The following PDE2A variants were observed in gnomAD, a reference collection of about 807,000 sequenced individuals.
PDE2A encodes phosphodiesterase 2A, also known as cGMP-dependent 3',5'-cyclic phosphodiesterase.
In PDE2A, 53 loss-of-function variants were observed where a neutral mutation model predicts 133.6. The ratio of observed to expected loss-of-function variants is 0.40; its 90% confidence interval spans 0.32 to 0.50. The LOEUF is 0.50. Among genes scored for constraint, PDE2A ranks in the 20% least tolerant of loss-of-function variants. The pLI is 0.73. For missense variants in PDE2A, 796 were observed against 1,232.4 expected (o/e 0.65, Z 5.30); for synonymous variants, 491 against 490.2 (o/e 1.00, Z -0.02).
chr11:72,631,023 A>G, intron 2 of PDE2A: 2 of 1,385,616 alleles, frequency 1.4e-6, no homozygotes, highest in Non-Finnish European at 2.0e-6. Flanking sequence ...ACTGATCTTC[A>G]GTCTGCGCCC....
chr11:72,641,161 C>A (rs565445379), intron 2 of PDE2A, among the ~76,000 whole-genome samples: 4 of 152,236 alleles, frequency 2.6e-5, no homozygotes, highest in Non-Finnish European at 5.9e-5. Flanking sequence ...GCCCTAGCCG[C>A]CCCCGTCAAG....
chr11:72,589,682 T>TCCAAACACTCCTTGAGG, intron 11 of PDE2A, 69 bp downstream of exon 11: 1 of 1,329,340 alleles, frequency 7.5e-7, no homozygotes. Context: ...TCCAGGCAGA[T>TCCAAACACTCCTTGAGG]CCCAGGAGTG....
chr11:72,583,519 G>C lies in PDE2A; in HGVS notation c.1651-4C>G, dbSNP rs750701698. 3 of 1,596,730 alleles carry C rather than the reference G, an allele frequency of 1.9e-6. No homozygotes were observed. The highest frequency in any genetic ancestry group is 2.7e-5 in the African/African-American group (2 of 74,506). On this transcript the variant is annotated splice_polypyrimidine_tract_variant and splice_region_variant and intron_variant, in intron 19 of 30. Coordinates refer to ENST00000334456, the MANE Select transcript of PDE2A (RefSeq NM_002599.5). ...TCACTTTTTTGTATAGGAGAGACTA[G>C]GGGAAAGAGGGAAAGATGGGGCTCA...
At chr11:72,630,734 C>A (rs1002202450) in intron 2 of PDE2A, among the ~76,000 whole-genome samples, 7 of 151,794 alleles carry the variant, frequency 4.6e-5, no homozygotes, top group Non-Finnish European at 7.4e-5. Context: ...GAGCCTGGAC[C>A]CAAGCAGGCG....
In PDE2A at chr11:72,581,348, G is replaced by A; in HGVS notation, c.2045+9C>T. The A allele has an allele frequency of 6.2e-7, 1 of 1,612,774 alleles. No homozygotes were observed. The highest frequency in any genetic ancestry group is 8.5e-7 in the Non-Finnish European group (1 of 1,179,734). On this transcript the variant is annotated intron_variant, in intron 23 of 30. Coordinates refer to ENST00000334456, the MANE Select transcript of PDE2A (RefSeq NM_002599.5). ...GGCTGCCAGATGTGGGGGAGATGCAGCCACTCACTCGAGGTAGTTGGTGAG... is the reference window on the plus strand; with the variant it reads ...GGCTGCCAGATGTGGGGGAGATGCAACCACTCACTCGAGGTAGTTGGTGAG...
intron 14 of PDE2A, 152 bp downstream of exon 14, chr11:72,585,918 A>G: frequency 1.5e-6 from 1 of 649,046 alleles, no homozygotes; most frequent in Admixed American, 2.4e-5. Context: ...GTCCTGAACA[A>G]CTGCAAGCCT....
At chr11:72,582,808 C>A (rs534848641) in intron 20 of PDE2A, among the ~76,000 whole-genome samples, 8 of 152,176 alleles carry the variant, frequency 5.3e-5, no homozygotes, top group Admixed American at 2.0e-4. Flanking sequence ...TGGCAAAGAT[C>A]GACAACACCC....
At chr11:72,594,758 T>C (rs1856396097) in intron 6 of PDE2A, among the ~76,000 whole-genome samples, 1 of 152,100 alleles carries the variant, frequency 6.6e-6, no homozygotes, top group African/African-American at 2.4e-5. Context: ...CTTTCCCTTC[T>C]TCCCTGCCTG....
At chr11:72,632,815 C>A (rs236034) in intron 2 of PDE2A, among the ~76,000 whole-genome samples, 1 of 152,056 alleles carries the variant, frequency 6.6e-6, no homozygotes, top group African/African-American at 2.4e-5. Flanking sequence ...TTCCCTCCCC[C>A]CAGCAGAGGC....
intron 21 of PDE2A, 183 bp downstream of exon 21, chr11:72,582,261 C>T (rs1170554526): frequency 1.5e-6 from 1 of 656,480 alleles, no homozygotes; most frequent in African/African-American, 1.8e-5. Context: ...AGTCCAGCCT[C>T]TAGCCCCTGG....
intron 1 of PDE2A, 110 bp downstream of exon 1, chr11:72,674,027 T>A (rs1855445567): frequency 1.8e-6 from 2 of 1,092,326 alleles, no homozygotes; most frequent in East Asian, 5.4e-5. Context: ...GATCGATCCT[T>A]CCACGTGGCT....
At chr11:72,664,791 C>G (rs7110834) in intron 1 of PDE2A, among the ~76,000 whole-genome samples, 29 of 152,084 alleles carry the variant, frequency 1.9e-4, no homozygotes, top group Middle Eastern at 3.4e-3. Flanking sequence ...CCAGATCCCC[C>G]CTCACTGAGA....
intron 1 of PDE2A, among the ~76,000 whole-genome samples, chr11:72,670,279 C>T (rs751004624): frequency 6.6e-5 from 10 of 152,222 alleles, no homozygotes; most frequent in African/African-American, 2.4e-4. Flanking sequence ...CTTCCATCCA[C>T]GTGGTCACTG....
At chr11:72,585,649 C>T in intron 14 of PDE2A, 56 bp from the exon 15 acceptor site, 1 of 1,527,308 alleles carries the variant, frequency 6.5e-7, no homozygotes, top group Non-Finnish European at 9.0e-7. Flanking sequence ...GTCACCCTAT[C>T]CAACCTCCTG....
chr11:72,634,848 G>T (rs928143441), intron 2 of PDE2A, among the ~76,000 whole-genome samples: 1 of 152,248 alleles, frequency 6.6e-6, no homozygotes, highest in Non-Finnish European at 1.5e-5. Context: ...TACTGAGAGG[G>T]TGCTGATGGG....
chr11:72,584,980 C>A, intron 16 of PDE2A, 36 bp from the exon 17 acceptor site: 1 of 1,600,542 alleles, frequency 6.2e-7, no homozygotes, highest in Non-Finnish European at 8.6e-7. Context: ...TGGGGCCTGA[C>A]AACCCCCTCT....
In PDE2A at chr11:72,577,510, G is replaced by C. The variant is rs755543850; in HGVS notation, c.2700C>G (p.His900Gln). ...SNREHWTKVS[H>Q]KFTIRGLPSN... ...TTGGGAGGCCGCGGATGGTGAACTT[G>C]TGGGACACCTTGGTCCAGTGCTCAC... Residue 900 changes from histidine (H) to glutamine (Q), a missense_variant, in exon 31 of 31, where the codon CAC (histidine) becomes CAG (glutamine). By Grantham distance (24) the His-to-Gln change is conservative (BLOSUM62 0). This residue lies in a region of PDE2A where 83 missense variants were observed against 99.0 expected (regional missense o/e 0.84). Coordinates refer to ENST00000334456, the MANE Select transcript of PDE2A (RefSeq NM_002599.5). 2 of 1,613,334 alleles carry C rather than the reference G, an allele frequency of 1.2e-6. No individual in the cohort carries two copies. Among genetic ancestry groups the C allele is most frequent in the Non-Finnish European group, 1.7e-6 (2 of 1,179,964 alleles).
intron 2 of PDE2A, among the ~76,000 whole-genome samples, chr11:72,624,719 C>T (rs1857962711): frequency 6.6e-6 from 1 of 152,220 alleles, no homozygotes; most frequent in Admixed American, 6.5e-5. Flanking sequence ...GTCACACACT[C>T]GGTGTCAGCA....
chr11:72,598,989 T>C (rs997793895), intron 4 of PDE2A: 3 of 985,200 alleles, frequency 3.0e-6, no homozygotes, highest in Non-Finnish European at 3.6e-6. Context: ...GGGAGCCACG[T>C]TTCCTGATGA....
Sources: gnomAD v4.1 joint callset for allele counts (sites outside exome capture counted in the v4.1 genomes callset) on GRCh38, gnomAD v4.1.1 for gene constraint, gnomAD v4.1.1 regional missense constraint, MANE v1.5 for transcripts, NCBI Gene and HGNC (gene_info 2026-07-23, HGNC 2026-07-21) for gene names.